The following PLIN5 variants were observed in gnomAD, a reference collection of about 807,000 sequenced individuals.
PLIN5 encodes perilipin 5, also known as perilipin-5.
Under a neutral mutation model 32.8 loss-of-function variants are expected in PLIN5, and 34 were observed. The ratio of observed to expected loss-of-function variants is 1.04; its 90% CI spans 0.79 to 1.38. PLIN5 has a LOEUF of 1.38. Ranked by LOEUF, PLIN5 falls within the 40% of genes most tolerant of loss-of-function variation. The pLI is 0.00. For missense variants in PLIN5, 712 were observed against 660.5 expected, an observed-to-expected ratio of 1.08 and a Z score of -0.85; for synonymous variants, 309 against 292.9, an observed-to-expected ratio of 1.05 and a Z score of -0.56.
At chr19:4,526,738 G>A (rs1599761908) in intron 5 of PLIN5, among the ~76,000 whole-genome samples, 1 of 151,974 alleles carries the variant, frequency 6.6e-6, no homozygotes, top group South Asian at 2.1e-4. Flanking sequence ...TGTGCCTATA[G>A]TCCCAGCTGC....
At chr19:4,533,894 T>C in intron 2 of PLIN5, 121 bp downstream of exon 2, 1 of 1,172,320 alleles carries the variant, frequency 8.5e-7, no homozygotes, top group South Asian at 1.4e-5. Context: ...AAATATTTTA[T>C]GACTCAGGTT....
chr19:4,533,721 G>A (rs996762157), intron 2 of PLIN5: 1 of 511,958 alleles, frequency 2.0e-6, no homozygotes, highest in Non-Finnish European at 3.5e-6. Flanking sequence ...CCATGATGGT[G>A]GACGTGGAGA....
chr19:4,531,530 C>T (rs924449629), intron 3 of PLIN5, 97 bp downstream of exon 3: 6 of 1,266,494 alleles, frequency 4.7e-6, no homozygotes, highest in Non-Finnish European at 6.3e-6. Context: ...AAGATGACCC[C>T]CAGGAGTGTC....
At chr19:4,524,858 G>A (rs917527926) in intron 7 of PLIN5, 105 bp downstream of exon 7, 2 of 950,494 alleles carry the variant, frequency 2.1e-6, no homozygotes, top group African/African-American at 1.7e-5. Flanking sequence ...GATAGCTTGA[G>A]TTGGGTCCCC....
intron 5 of PLIN5, among the ~76,000 whole-genome samples, chr19:4,526,115 C>A (rs1459583737): frequency 1.3e-5 from 2 of 152,150 alleles, no homozygotes; most frequent in East Asian, 3.8e-4. Flanking sequence ...TATGGTGGGC[C>A]CTGTTTTACA....
chr19:4,527,760 G>A (rs1355088304), intron 5 of PLIN5, among the ~76,000 whole-genome samples: 1 of 149,350 alleles, frequency 6.7e-6, no homozygotes, highest in Non-Finnish European at 1.5e-5. Context: ...CCGGAGAATC[G>A]CTTGAACACG....
At position 4,525,039 on chromosome 19, in the gene PLIN5, G is replaced by A. The variant is rs747789366; in HGVS notation, c.758C>T (p.Pro253Leu). Residue 253 changes from proline (P) to leucine (L), a missense_variant, in exon 7 of 8, where the codon CCG (proline) becomes CTG (leucine). Physicochemically the swap from Pro to Leu is moderately conservative, Grantham distance 98. Transcript: ENST00000381848. The surrounding 1 kb of genome is among the most constrained non-coding windows in gnomAD (Gnocchi z 5.6). ...HMQCGVTPTA[P>L]ACPGKVHELW... is the part of the protein sequence containing the mutation. ...CTCGTGCACCTTCCCAGGGCAGGCC[G>A]GGGCGGTGGGGGTCACCCCACACTG... The A allele has an allele frequency of 2.5e-5, 36 of 1,453,350 alleles. No homozygotes were observed. The Admixed American group carries it at 5.0e-4, about 20-fold the overall frequency. The allele number at this position is 1,453,350 out of a possible 1,614,324, so 90.0% of individuals were successfully genotyped here. A position where few individuals can be genotyped will look rare whatever the true frequency, so the allele number is the denominator to read the frequency against.
rs762370042 is a variant in PLIN5 at position 4,523,936 on chromosome 19, G to T, written c.984C>A (p.Thr328=). The T allele has an allele frequency of 1.3e-6, 2 of 1,529,084 alleles. No individual in the cohort carries two copies. The highest frequency in any genetic ancestry group is 1.2e-5 in the South Asian group (1 of 82,926). The allele number at this position is 1,529,084 out of a possible 1,614,324, so 94.7% of individuals were successfully genotyped here. A position where few individuals can be genotyped will look rare whatever the true frequency, so the allele number is the denominator to read the frequency against. Residue 328 remains threonine (T), a synonymous_variant, in exon 8 of 8, where the codon ACC becomes ACA. Transcript: ENST00000381848. This position sits in a 1 kb window ranked among gnomAD's most constrained non-coding sequence, Gnocchi z 5.0. ...EVRRSVDALQ[T]AFADARCFRD... is the part of the protein sequence containing the mutation. ...TGAAGCAGCGGGCATCAGCGAAGGCGGTCTGCAGGGCATCCACACTGCGCC... is the reference window on the plus strand; with the variant it reads ...TGAAGCAGCGGGCATCAGCGAAGGCTGTCTGCAGGGCATCCACACTGCGCC...
chr19:4,523,571 C>G lies in PLIN5; in HGVS notation c.1349G>C (p.Ser450Thr), dbSNP rs1440294736. The change falls in exon 8 of 8, where the codon AGC (serine) becomes ACC (threonine). Residue 450 changes from serine (S) to threonine (T), a missense_variant. Physicochemically the swap from Ser to Thr is moderately conservative, Grantham distance 58. Transcript: ENST00000381848. This position sits in a 1 kb window ranked among gnomAD's most constrained non-coding sequence, Gnocchi z 5.0. ...CATCAGGGTGTGCTTGACCGGGCAG[C>G]TGGGGGTCTCGGGTTCCTGCTCGCA... ...DICEQEPETP[S>T]CPVKHTLMPE... 7 of 1,597,822 alleles carry G rather than the reference C, an allele frequency of 4.4e-6. No homozygotes were observed. Among genetic ancestry groups the G allele is most frequent in the Non-Finnish European group, 6.0e-6 (7 of 1,171,432 alleles).
At chr19:4,533,526 T>G (rs1599765862) in intron 2 of PLIN5, 1 of 192,572 alleles carries the variant, frequency 5.2e-6, no homozygotes, top group East Asian at 1.3e-4. Context: ...TCACTTCTGG[T>G]TCAGCTGCCT....
At chr19:4,529,626 C>T (rs904202275) in intron 4 of PLIN5, 158 bp downstream of exon 4, 8 of 465,878 alleles carry the variant, frequency 1.7e-5, no homozygotes, top group African/African-American at 1.6e-4. Flanking sequence ...CACACACACA[C>T]ACACACACAC....
In PLIN5 at chr19:4,529,118, CTGA is replaced by C. The variant is rs1568244950; in HGVS notation, c.472_474del (p.Ser158del). 1 of 1,613,492 alleles carries C rather than the reference CTGA, an allele frequency of 6.2e-7. No individual in the cohort carries two copies. The highest frequency in any genetic ancestry group is 8.5e-7 in the Non-Finnish European group (1 of 1,179,990). On this transcript the variant is annotated inframe_deletion, in exon 5 of 8. Transcript: ENST00000381848. ...GGCAGGAAGTGATCCACCAGCTCCT[CTGA>C]TTTTTCCAGTACAACATCCACAGCA...
chr19:4,526,411 G>T (rs936819846), intron 5 of PLIN5, among the ~76,000 whole-genome samples: 1 of 152,066 alleles, frequency 6.6e-6, no homozygotes, highest in Non-Finnish European at 1.5e-5. Context: ...TAGTAGAGAC[G>T]GGGTTTCACC....
chr19:4,526,857 C>CAAAAAAAAAAAAAAAAAAAAAAAA (rs141886356), intron 5 of PLIN5, among the ~76,000 whole-genome samples: 2 of 138,748 alleles, frequency 1.4e-5, no homozygotes, highest in African/African-American at 2.9e-5. Flanking sequence ...GACTCCATCT[C>CAAAAAAAAAAAAAAAAAAAAAAAA]AAAAAAAAAT....
Position 4,525,112 on chromosome 19 carries a change from G to A in PLIN5, c.721-36C>T, listed in dbSNP as rs1976784901. On this transcript the variant is annotated intron_variant, in intron 6 of 7. Transcript: ENST00000381848. This position sits in a 1 kb window ranked among gnomAD's most constrained non-coding sequence, Gnocchi z 5.6. Reference sequence around the variant, plus strand: ...AGAAATGGTGGTCTTCAGAGCTGGGGGAGCTGGGGGAGCTGGGGGTCGGGG... The same window carrying A: ...AGAAATGGTGGTCTTCAGAGCTGGGAGAGCTGGGGGAGCTGGGGGTCGGGG... 9.3e-7 allele frequency: 1 copy of A among 1,076,188 alleles called. No homozygotes were observed. The highest frequency in any genetic ancestry group is 1.9e-5 in the South Asian group (1 of 53,300). The allele number at this position is 1,076,188 out of a possible 1,614,324, so 66.7% of individuals were successfully genotyped here.
In PLIN5 at chr19:4,525,110, GGGGAGC is replaced by G. The variant is rs1976784874; in HGVS notation, c.721-40_721-35del. The G allele has an allele frequency of 1.9e-6, 2 of 1,061,778 alleles. No individual in the cohort carries two copies. The highest frequency in any genetic ancestry group is 6.3e-5 in the African/African-American group (2 of 31,668). The allele number at this position is 1,061,778 out of a possible 1,614,324, so 65.8% of individuals were successfully genotyped here. A position where few individuals can be genotyped will look rare whatever the true frequency, so the allele number is the denominator to read the frequency against. The stretch of plus-strand genomic sequence containing the variant: ...ACAGAAATGGTGGTCTTCAGAGCTG[GGGGAGC>G]TGGGGGAGCTGGGGGTCGGGGTGGG... On this transcript the variant is annotated intron_variant, in intron 6 of 7. Coordinates refer to ENST00000381848, the MANE Select transcript of PLIN5 (RefSeq NM_001013706.3). This position sits in a 1 kb window ranked among gnomAD's most constrained non-coding sequence, Gnocchi z 5.6.
chr19:4,526,794 G>T (rs1306198212), intron 5 of PLIN5, among the ~76,000 whole-genome samples: 1 of 150,694 alleles, frequency 6.6e-6, no homozygotes, highest in East Asian at 1.9e-4. Context: ...GGAATTGAAG[G>T]CTATGGTTAG....
chr19:4,532,195 T>G (rs1277536949), intron 2 of PLIN5, among the ~76,000 whole-genome samples: 1 of 151,368 alleles, frequency 6.6e-6, no homozygotes, highest in East Asian at 1.9e-4. Context: ...CCACCACACC[T>G]GGCAATTATA....
chr19:4,528,348 G>A (rs1315919148), intron 5 of PLIN5: 1 of 152,184 alleles, frequency 6.6e-6, no homozygotes. Context: ...TAAACCACTG[G>A]GGACTAGTGG....
Sources: allele counts gnomAD v4.1 joint callset (sites outside exome capture counted in the v4.1 genomes callset), GRCh38; gene constraint gnomAD v4.1.1; non-coding constraint Gnocchi (gnomAD v3.1); transcripts MANE v1.5; gene names NCBI Gene and HGNC (gene_info 2026-07-23, HGNC 2026-07-21).